The following ATRNL1 variants were observed in gnomAD, a reference collection of about 807,000 sequenced individuals.
ATRNL1 encodes the protein attractin-like protein 1.
In ATRNL1, 95 loss-of-function variants were observed where a neutral mutation model predicts 182.7. The ratio of observed to expected loss-of-function variants is 0.52; its 90% confidence interval spans 0.44 to 0.62. The LOEUF is 0.62. ATRNL1 is among the 20% of genes least tolerant of loss of function. The pLI is 0.00. For synonymous variants in ATRNL1, 576 were observed against 568.3 expected, an observed-to-expected ratio of 1.01 and a Z score of -0.19; for missense variants, 1,471 against 1,679.5, an observed-to-expected ratio of 0.88 and a Z score of 2.17.
intron 10 of ATRNL1, among the ~76,000 whole-genome samples, chr10:115,247,505 A>G (rs981153455): frequency 2.6e-5 from 4 of 152,236 alleles, no homozygotes; most frequent in Non-Finnish European, 4.4e-5. Flanking sequence ...TAGGATATCT[A>G]TTATCAAAAA....
intron 8 of ATRNL1, among the ~76,000 whole-genome samples, chr10:115,209,355 T>G (rs1848928939): frequency 6.6e-6 from 1 of 150,690 alleles, no homozygotes; most frequent in South Asian, 2.1e-4. Context: ...GTCATAGTCC[T>G]ATGCTGTCAC....
chr10:115,291,342 T>A (rs181624069), intron 15 of ATRNL1, among the ~76,000 whole-genome samples: 4 of 152,278 alleles, frequency 2.6e-5, no homozygotes, highest in Admixed American at 1.3e-4. Context: ...GGACTTACAG[T>A]GCTGTGTTAA....
At chr10:115,426,380 AC>A (rs1845892235) in intron 21 of ATRNL1, 78 bp downstream of exon 21, 13 of 1,037,118 alleles carry the variant, frequency 1.3e-5, no homozygotes, top group Non-Finnish European at 1.8e-5. Context: ...ATCTTGAATA[AC>A]TAAAATTGTC....
intron 24 of ATRNL1, among the ~76,000 whole-genome samples, chr10:115,496,315 G>A (rs1849547030): frequency 6.6e-6 from 1 of 152,140 alleles, no homozygotes; most frequent in Non-Finnish European, 1.5e-5. Flanking sequence ...TCTTTTTGTG[G>A]TGGAAAGTAA....
chr10:115,643,746 G>A (rs1859419446), intron 26 of ATRNL1, among the ~76,000 whole-genome samples: 1 of 151,956 alleles, frequency 6.6e-6, no homozygotes, highest in South Asian at 2.1e-4. Flanking sequence ...TGACACCACT[G>A]CTGCACCTAC....
intron 19 of ATRNL1, among the ~76,000 whole-genome samples, chr10:115,383,362 C>T (rs189348604): frequency 1.8e-4 from 28 of 151,506 alleles, no homozygotes; most frequent in East Asian, 7.8e-4. Flanking sequence ...TAATTATGAC[C>T]GGGTGAGAAA....
chr10:115,883,945 TGTCC>T (rs1951885605), intron 28 of ATRNL1, among the ~76,000 whole-genome samples: 8 of 152,236 alleles, frequency 5.3e-5, no homozygotes, highest in African/African-American at 1.9e-4. Flanking sequence ...AGTAGCTTGG[TGTCC>T]ACTCTGCTCA....
intron 24 of ATRNL1, among the ~76,000 whole-genome samples, chr10:115,483,210 T>C (rs1394433768): frequency 6.6e-6 from 1 of 151,382 alleles, no homozygotes; most frequent in Admixed American, 6.6e-5. Flanking sequence ...AGTTCCATCA[T>C]TTATTTCATA....
At chr10:115,774,373 C>T (rs561655494) in intron 27 of ATRNL1, among the ~76,000 whole-genome samples, 2 of 131,038 alleles carry the variant, frequency 1.5e-5, no homozygotes, top group Non-Finnish European at 3.1e-5. Context: ...TGCGGTGAGC[C>T]GAGATCACAC....
At chr10:115,341,817 G>T (rs1187186130) in intron 19 of ATRNL1, among the ~76,000 whole-genome samples, 2 of 151,930 alleles carry the variant, frequency 1.3e-5, no homozygotes, top group African/African-American at 4.8e-5. Context: ...TGTTTTGTTT[G>T]ATGTAAGTAT....
At chr10:115,426,374 T>G (rs1673057893) in intron 21 of ATRNL1, 72 bp downstream of exon 21, 10 of 1,098,514 alleles carry the variant, frequency 9.1e-6, no homozygotes, top group Non-Finnish European at 1.3e-5. Context: ...AAGGTCATCT[T>G]GAATAACTAA....
At chr10:115,395,138 A>G (rs1188002743) in intron 20 of ATRNL1, among the ~76,000 whole-genome samples, 1 of 151,708 alleles carries the variant, frequency 6.6e-6, no homozygotes, top group Admixed American at 6.6e-5. Context: ...TTCTGTTCCT[A>G]TGTTAATTTG....
At chr10:115,801,294 T>C (rs548346733) in intron 27 of ATRNL1, among the ~76,000 whole-genome samples, 45 of 152,272 alleles carry the variant, frequency 3.0e-4, no homozygotes, top group Non-Finnish European at 5.9e-4. Flanking sequence ...CTACAATCTT[T>C]ATGGCCACTT....
rs557848307 is a variant in ATRNL1, at chr10:115,827,963, G to A, written c.3904-19914G>A. Among the ~76,000 whole-genome samples, 22 of 152,026 alleles carry A rather than the reference G, an allele frequency of 1.4e-4. No homozygotes were observed. The South Asian group carries it at 4.0e-3, about 27-fold the overall frequency. ...GAACTGCAGCAGTCCAAATGGAGCC[G>A]AGGGCAGATCCATTAACAAAGGCCC... On this transcript the variant is annotated intron_variant, in intron 27 of 28. Coordinates refer to ENST00000355044, the MANE Select transcript of ATRNL1 (RefSeq NM_207303.4).
chr10:115,611,955 A>G (rs1010904766), intron 26 of ATRNL1, among the ~76,000 whole-genome samples: 1 of 151,188 alleles, frequency 6.6e-6, no homozygotes, highest in African/African-American at 2.5e-5. Context: ...TTGGAAAATA[A>G]GAAGACAACT....
At position 115,685,064 on chromosome 10, in the gene ATRNL1, G is replaced by A. The variant is rs1174369749; in HGVS notation, c.3796-42184G>A. On this transcript the variant is annotated intron_variant, in intron 26 of 28. Coordinates refer to ENST00000355044, the MANE Select transcript of ATRNL1 (RefSeq NM_207303.4). ...ATCATAAATCCATGGATGGGTACTG[G>A]CCTCTGACTTCATTTTCACTGTACA... is the stretch of plus-strand genomic sequence containing the variant. Among the ~76,000 whole-genome samples the A allele has an allele frequency of 8.6e-5, 13 of 151,776 alleles. No individual in the cohort carries two copies. In the East Asian group the frequency reaches 1.7e-3, roughly 20 times the overall value.
intron 28 of ATRNL1, among the ~76,000 whole-genome samples, chr10:115,871,469 T>TATATA (rs1951579875): frequency 2.1e-5 from 3 of 140,294 alleles, no homozygotes; most frequent in African/African-American, 7.9e-5. Context: ...GTCAGATTCT[T>TATATA]TGTGTGTGTG....
At chr10:115,590,846 T>C (rs1213634507) in intron 26 of ATRNL1, among the ~76,000 whole-genome samples, 2 of 152,164 alleles carry the variant, frequency 1.3e-5, no homozygotes, top group African/African-American at 2.4e-5. Flanking sequence ...GAACTCCTGT[T>C]GATCAGAGGT....
At chr10:115,276,024 T>A (rs1478742970) in intron 13 of ATRNL1, among the ~76,000 whole-genome samples, 6 of 152,180 alleles carry the variant, frequency 3.9e-5, no homozygotes, top group Non-Finnish European at 7.3e-5. Flanking sequence ...ACTTTATGTT[T>A]CGTCTATCAT....
Sources: allele counts gnomAD v4.1 joint callset (sites outside exome capture counted in the v4.1 genomes callset), GRCh38; gene constraint gnomAD v4.1.1; transcripts MANE v1.5; gene names NCBI Gene and HGNC (gene_info 2026-07-23, HGNC 2026-07-21).